Variants in EIF3I observed in about 807,000 individuals in gnomAD.
EIF3I encodes the protein eukaryotic translation initiation factor 3 subunit I.
A neutral mutation model predicts 43.3 loss-of-function variants in EIF3I; 20 were observed. The ratio of observed to expected loss-of-function variants is 0.46; its 90% confidence interval spans 0.32 to 0.67. The LOEUF (loss-of-function observed/expected upper bound fraction) is 0.67, where lower values mean the gene tolerates loss of function less well. Among genes scored for constraint, EIF3I ranks in the 30% least tolerant of loss-of-function variants. EIF3I has a pLI of 0.03. For missense variants in EIF3I, 279 were observed against 421.4 expected (o/e 0.66, Z 2.96); for synonymous variants, 167 against 151.7 (o/e 1.10, Z -0.74).
At chr1:32,228,283 TTA>T (rs1487116090) in intron 6 of EIF3I, among the ~76,000 whole-genome samples, 2 of 152,152 alleles carry the variant, frequency 1.3e-5, no homozygotes, top group East Asian at 3.8e-4. Context: ...CTTTTGCAGT[TTA>T]TGTTTGGAGA....
At chr1:32,232,615 A>G (rs1031390715), downstream of EIF3I, among the ~76,000 whole-genome samples, 1 of 152,210 alleles carries the variant, frequency 6.6e-6, no homozygotes, top group Non-Finnish European at 1.5e-5. Context: ...AAAATTGATA[A>G]CAATGAAGAT....
downstream of EIF3I, chr1:32,231,445 C>T: frequency 2.6e-6 from 1 of 388,712 alleles, no homozygotes; most frequent in Non-Finnish European, 4.8e-6. Flanking sequence ...GAGCTGAGAT[C>T]ACGTCATTGC....
chr1:32,228,640 C>T (rs1639186367), intron 7 of EIF3I, 31 bp downstream of exon 7: 1 of 1,606,948 alleles, frequency 6.2e-7, no homozygotes, highest in Admixed American at 1.7e-5. Flanking sequence ...GGCAGGGCTG[C>T]TCCCTCCCTC....
chr1:32,222,577 C>T lies in EIF3I; in HGVS notation c.43C>T (p.Gln15Ter), dbSNP rs1639033656. The change falls in exon 2 of 12, where the codon CAG becomes TAG. Residue 15 changes from glutamine (Q) to a stop codon, truncating the protein, a stop_gained. Transcript: ENST00000676679. LOFTEE classifies it high-confidence loss of function. ...GCAGGGCCATGAGCGGTCCATTACG[C>T]AGATTAAGTATAACCGCGAAGGAGA... 6.2e-7 allele frequency: 1 copy of T among 1,614,040 alleles called. No homozygotes were observed. Among genetic ancestry groups the T allele is most frequent in the Admixed American group, 1.7e-5 (1 of 60,002 alleles).
chr1:32,223,850 T>C lies in EIF3I; in HGVS notation c.97-184T>C, dbSNP rs202134812. ...ACAAGCCGCCTGACTCCTCTGTTGC[T>C]TCCCTTCAGGAAGGGAGGAGAATCC... On this transcript the variant is annotated intron_variant, in intron 2 of 11. Transcript: ENST00000676679. Among the ~76,000 whole-genome samples the C allele has an allele frequency of 7.2e-5, 11 of 152,346 alleles. No homozygotes were observed. In the East Asian group the frequency reaches 2.1e-3, roughly 29 times the overall value.
At chr1:32,235,540 C>T (rs757738869), downstream of EIF3I, among the ~76,000 whole-genome samples, 5 of 152,116 alleles carry the variant, frequency 3.3e-5, no homozygotes, top group Non-Finnish European at 5.9e-5. Context: ...AGAATGGTCT[C>T]GGACTCCTGA....
chr1:32,234,010 G>A (rs1368058689), downstream of EIF3I: 1 of 152,034 alleles, frequency 6.6e-6, no homozygotes, highest in African/African-American at 2.4e-5. Context: ...AAGGAAGTAA[G>A]GTGCTGGCTG....
At position 32,224,031 on chromosome 1, in the gene EIF3I, C is replaced by T. The variant is rs781381595; in HGVS notation, c.97-3C>T. ...GTACTATCCTGTGGTTTGACTTTTCCAGATCGTCAATGTATGGTACTCTGT... is the reference window on the plus strand; with the variant it reads ...GTACTATCCTGTGGTTTGACTTTTCTAGATCGTCAATGTATGGTACTCTGT... On this transcript the variant is annotated splice_polypyrimidine_tract_variant and splice_region_variant and intron_variant, in intron 2 of 11. Transcript: ENST00000676679. 7.0e-5 allele frequency: 113 copies of T among 1,614,038 alleles called. No individual in the cohort carries two copies. The highest frequency in any genetic ancestry group is 4.9e-4 in the Middle Eastern group (3 of 6,082).
chr1:32,225,394 A>G (rs1160542807), intron 4 of EIF3I, among the ~76,000 whole-genome samples: 1 of 152,234 alleles, frequency 6.6e-6, no homozygotes, highest in African/African-American at 2.4e-5. Context: ...ATTGCAGTCT[A>G]CGTATGAGTA....
chr1:32,225,176 A>G (rs1639123665), intron 4 of EIF3I, among the ~76,000 whole-genome samples: 2 of 151,788 alleles, frequency 1.3e-5, no homozygotes, highest in Non-Finnish European at 2.9e-5. Flanking sequence ...GGGTTTCACC[A>G]TGTTGGCCAG....
intron 9 of EIF3I, 125 bp downstream of exon 9, chr1:32,229,333 T>C: frequency 2.0e-6 from 2 of 982,056 alleles, no homozygotes. Context: ...TGATCTCTGC[T>C]CACTGCAAGC....
chr1:32,229,110 A>C, intron 8 of EIF3I, 25 bp from the exon 9 acceptor site: 1 of 1,606,354 alleles, frequency 6.2e-7, no homozygotes, highest in East Asian at 2.2e-5. Flanking sequence ...CATTGGTCCC[A>C]TCTAGAGTTT....
chr1:32,228,499 T>C (rs773405356), exon 7 of EIF3I: 1 of 1,613,796 alleles, frequency 6.2e-7, no homozygotes, highest in South Asian at 1.1e-5. Flanking sequence ...CCTTCCCTAG[T>C]CTGGAGAGGT....
At chr1:32,230,146 C>T (rs1423413323) in intron 9 of EIF3I, among the ~76,000 whole-genome samples, 1 of 151,678 alleles carries the variant, frequency 6.6e-6, no homozygotes, top group Non-Finnish European at 1.5e-5. Context: ...CTCAGCCTCC[C>T]AAAGTGCTGG....
At chr1:32,222,685 T>G in intron 2 of EIF3I, 55 bp downstream of exon 2, 1 of 1,558,726 alleles carries the variant, frequency 6.4e-7, no homozygotes, top group African/African-American at 1.4e-5. Flanking sequence ...GCCAGGACGA[T>G]GGGTGGACAC....
At chr1:32,225,710 CAA>C (rs925730795) in intron 4 of EIF3I, among the ~76,000 whole-genome samples, 1 of 146,364 alleles carries the variant, frequency 6.8e-6, no homozygotes, top group Non-Finnish European at 1.5e-5. Context: ...GCCTGCAGGA[CAA>C]GAGCGAAACT....
chr1:32,224,100 G>A, exon 3 of EIF3I: 1 of 1,614,174 alleles, frequency 6.2e-7, no homozygotes, highest in Non-Finnish European at 8.5e-7. Flanking sequence ...TACCGGAGCT[G>A]TGTGGTGTGT....
At chr1:32,234,499 A>G, downstream of EIF3I, 1 of 152,672 alleles carries the variant, frequency 6.5e-6, no homozygotes, top group Admixed American at 6.5e-5. Context: ...CTCCAATGAC[A>G]GTGGGAACCG....
Position 32,226,202 on chromosome 1 carries a change from G to A in EIF3I, c.282G>A (p.Ser94=), listed in dbSNP as rs1475495113. 1.8e-5 allele frequency: 29 copies of A among 1,613,906 alleles called. No homozygotes were observed. The East Asian group carries it at 2.7e-4, about 15-fold the overall frequency. The stretch of plus-strand genomic sequence containing the variant: ...AGCTGGCCCTTCTCAAGACCAATTC[G>A]GCTGTCCGGACCTGCGGTTTTGACT... Residue 94 remains serine, a synonymous_variant, in exon 5 of 12, where the codon TCG becomes TCA. Coordinates refer to ENST00000676679, the Ensembl canonical transcript of EIF3I.
Sources: allele counts gnomAD v4.1 joint callset (sites outside exome capture counted in the v4.1 genomes callset), GRCh38; gene constraint gnomAD v4.1.1; transcripts MANE v1.5; gene names NCBI Gene and HGNC (gene_info 2026-07-23, HGNC 2026-07-21).